The following ROBO2 variants were observed in gnomAD, a reference collection of about 807,000 sequenced individuals.
The protein encoded by ROBO2 is roundabout homolog 2.
In ROBO2, 53 loss-of-function variants were observed where a neutral mutation model predicts 160.8. The observed-to-expected ratio is 0.33, with a 90% confidence interval of 0.26 to 0.41. ROBO2 has a LOEUF of 0.41. ROBO2 is among the 10% of genes least tolerant of loss of function. The pLI, the probability that ROBO2 is intolerant of heterozygous loss-of-function variation, is 1.00. For missense variants in ROBO2, 1,577 were observed against 1,722.4 expected (o/e 0.92, Z 1.49); for synonymous variants, 664 against 611.7 (o/e 1.09, Z -1.26).
intron 2 of ROBO2, among the ~76,000 whole-genome samples, chr3:76,165,512 C>G (rs1266306175): frequency 6.6e-6 from 1 of 152,144 alleles, no homozygotes; most frequent in African/African-American, 2.4e-5. Flanking sequence ...GCTTGTCTTT[C>G]TTAACATTCA....
rs1401503444 is a variant in ROBO2, at chr3:77,609,995, A to C, written c.3293+2041A>C. Among the ~76,000 whole-genome samples the C allele has an allele frequency of 4.0e-5, 6 of 150,924 alleles. No homozygotes were observed. The East Asian group carries it at 1.2e-3, about 29-fold the overall frequency. On this transcript the variant is annotated intron_variant, in intron 21 of 25. Coordinates refer to ENST00000461745, the Ensembl canonical transcript of ROBO2. ...TGAGCTCAGTTTTTAAAAGGCTAACACTTGAAAATTATTATTTTAATTATT... is the reference window on the plus strand; with the variant it reads ...TGAGCTCAGTTTTTAAAAGGCTAACCCTTGAAAATTATTATTTTAATTATT...
intron 2 of ROBO2, among the ~76,000 whole-genome samples, chr3:77,120,965 G>A (rs937869634): frequency 6.6e-6 from 1 of 152,042 alleles, no homozygotes; most frequent in Non-Finnish European, 1.5e-5. Flanking sequence ...TTATTTTTGA[G>A]ACGGAGTCTC....
At chr3:76,060,529 T>A (rs543167590) in intron 2 of ROBO2, among the ~76,000 whole-genome samples, 1 of 152,238 alleles carries the variant, frequency 6.6e-6, no homozygotes, top group Non-Finnish European at 1.5e-5. Context: ...CGGGAAAACA[T>A]TGGCTTCCAC....
At chr3:77,118,603 T>G (rs2150242524) in intron 2 of ROBO2, among the ~76,000 whole-genome samples, 1 of 152,326 alleles carries the variant, frequency 6.6e-6, no homozygotes, top group Non-Finnish European at 1.5e-5. Flanking sequence ...GATTTTACTC[T>G]ACGCCATTGA....
At chr3:76,254,545 G>A (rs183754163) in intron 2 of ROBO2, among the ~76,000 whole-genome samples, 187 of 152,156 alleles carry the variant, frequency 1.2e-3, no homozygotes, top group African/African-American at 3.2e-3. Flanking sequence ...TAAATATACT[G>A]TAAAAGTTAA....
intron 2 of ROBO2, among the ~76,000 whole-genome samples, chr3:77,223,210 A>G (rs2086047830): frequency 6.6e-6 from 1 of 152,188 alleles, no homozygotes; most frequent in Non-Finnish European, 1.5e-5. Context: ...TAAAGAATGA[A>G]TGTAGACTTT....
At chr3:77,402,131 G>A (rs1431586125) in intron 2 of ROBO2, among the ~76,000 whole-genome samples, 1 of 151,986 alleles carries the variant, frequency 6.6e-6, no homozygotes, top group Non-Finnish European at 1.5e-5. Flanking sequence ...CCTTTGCAGG[G>A]ATATGGATGA....
intron 2 of ROBO2, chr3:75,937,664 T>C: frequency 9.4e-7 from 1 of 1,058,528 alleles, no homozygotes; most frequent in East Asian, 2.8e-5. Flanking sequence ...TATGATGATA[T>C]TATGTGAGTC....
rs536618962 is a variant in ROBO2, at chr3:76,192,940, T to C, written c.109+255338T>C. On this transcript the variant is annotated intron_variant, in intron 2 of 26. Transcript: ENST00000487694. ...CCCAGCTTCATTCTCTACCAGACTA[T>C]TGAACTGCTTTCTCAAAGGTCATCA... Among the ~76,000 whole-genome samples, 432 of 152,302 alleles carry C rather than the reference T, an allele frequency of 2.8e-3. 2 individuals are homozygous for C. The highest frequency in any genetic ancestry group is 5.0e-3 in the Non-Finnish European group (341 of 68,020).
chr3:76,534,799 A>G (rs1258902665), intron 2 of ROBO2, among the ~76,000 whole-genome samples: 1 of 152,100 alleles, frequency 6.6e-6, no homozygotes, highest in Non-Finnish European at 1.5e-5. Flanking sequence ...GATGCGTAGG[A>G]AAGCAAGGAG....
At chr3:76,316,119 G>A (rs1254862535) in intron 2 of ROBO2, among the ~76,000 whole-genome samples, 2 of 152,158 alleles carry the variant, frequency 1.3e-5, no homozygotes, top group Non-Finnish European at 2.9e-5. Flanking sequence ...AAGGGTCTAT[G>A]TTCAGCGGTG....
At position 76,385,688 on chromosome 3, in the gene ROBO2, T is replaced by C. The variant is rs1465607506; in HGVS notation, c.109+448086T>C. 2.0e-5 allele frequency among the ~76,000 whole-genome samples: 3 copies of C among 152,244 alleles called. No individual in the cohort carries two copies. In the East Asian group the frequency reaches 5.8e-4, roughly 29 times the overall value. The stretch of plus-strand genomic sequence containing the variant: ...CCACTCATTCTAATATTCATTTTTT[T>C]CATACTCTCAAAATGTTATTTTCAT... On this transcript the variant is annotated intron_variant, in intron 2 of 26. Coordinates refer to the ROBO2 transcript ENST00000487694.
chr3:77,171,514 AG>A (rs200707463), intron 2 of ROBO2, among the ~76,000 whole-genome samples: 3,938 of 152,340 alleles, frequency 0.026, 76 homozygotes, highest in Middle Eastern at 0.065. Flanking sequence ...TGGACTGGAA[AG>A]TAGATATTTG....
intron 2 of ROBO2, among the ~76,000 whole-genome samples, chr3:76,565,991 C>A (rs2084494838): frequency 6.6e-6 from 1 of 152,172 alleles, no homozygotes; most frequent in Non-Finnish European, 1.5e-5. Context: ...TACCAGCTGG[C>A]ACTGATCACT....
intron 2 of ROBO2, among the ~76,000 whole-genome samples, chr3:77,033,664 A>G (rs1244999132): frequency 6.6e-6 from 1 of 152,130 alleles, no homozygotes; most frequent in Non-Finnish European, 1.5e-5. Context: ...GTCATACCTG[A>G]AAGTCTAATA....
At chr3:77,569,163 T>C (rs2093573486) in intron 13 of ROBO2, among the ~76,000 whole-genome samples, 1 of 152,056 alleles carries the variant, frequency 6.6e-6, no homozygotes, top group Non-Finnish European at 1.5e-5. Context: ...TTTATCTTGG[T>C]ATAAACCTAC....
At position 75,928,733 on chromosome 3, in the gene ROBO2, A is replaced by G. The variant is rs541040374; in HGVS notation, c.-13-8748A>G. On this transcript the variant is annotated intron_variant, in intron 1 of 26. Coordinates refer to the ROBO2 transcript ENST00000487694. ...TTATAGAACGATCTATGTACTTTCA[A>G]TGTACCTTCAAACATGAGATCTGCA... is the stretch of plus-strand genomic sequence containing the variant. Among the ~76,000 whole-genome samples, 56 of 152,274 alleles carry G rather than the reference A, an allele frequency of 3.7e-4. No homozygotes were observed. In the East Asian group the frequency reaches 4.1e-3, roughly 11 times the overall value.
intron 2 of ROBO2, among the ~76,000 whole-genome samples, chr3:76,362,103 G>A (rs1353664102): frequency 6.6e-6 from 1 of 152,020 alleles, no homozygotes; most frequent in Non-Finnish European, 1.5e-5. Context: ...AGTGACTCAC[G>A]CTTGTAATCT....
rs142206589 is a variant in ROBO2, at chr3:77,537,305, T to C, written c.935-9033T>C. Reference sequence around the variant, plus strand: ...TTGTGGGGAGGAGGTTCTGATATTATATGAACCCTCCAAAATTAATCTCAC... The same window carrying C: ...TTGTGGGGAGGAGGTTCTGATATTACATGAACCCTCCAAAATTAATCTCAC... On this transcript the variant is annotated intron_variant, in intron 6 of 25. Coordinates refer to ENST00000461745, the Ensembl canonical transcript of ROBO2. 7.7e-3 allele frequency among the ~76,000 whole-genome samples: 1,168 copies of C among 152,260 alleles called. 24 individuals carry two copies. Among genetic ancestry groups the C allele is most frequent in the African/African-American group, 0.025 (1,052 of 41,546 alleles).
Sources: allele counts gnomAD v4.1 joint callset (sites outside exome capture counted in the v4.1 genomes callset), GRCh38; gene constraint gnomAD v4.1.1; transcripts MANE v1.5; gene names NCBI Gene and HGNC (gene_info 2026-07-23, HGNC 2026-07-21).